Variants in PEAK1 observed in about 807,000 individuals in gnomAD.
PEAK1 encodes the protein pseudopodium enriched atypical kinase 1, also known as inactive tyrosine-protein kinase PEAK1.
A neutral mutation model predicts 124.7 loss-of-function variants in PEAK1; 54 were observed. The observed-to-expected ratio is 0.43, with a 90% CI of 0.35 to 0.54. The LOEUF (loss-of-function observed/expected upper bound fraction) is 0.54. Among genes scored for constraint, PEAK1 ranks in the 20% least tolerant of loss-of-function variants. The pLI, the probability that PEAK1 is intolerant of heterozygous loss-of-function variation, is 0.01. For synonymous variants in PEAK1, 719 were observed against 760.0 expected (o/e 0.95, Z 0.89); for missense variants, 2,046 against 2,134.5 (o/e 0.96, Z 0.82).
rs1397100575 is a variant in PEAK1 at position 77,222,792 on chromosome 15, T to C, written c.-115+29575A>G. The stretch of plus-strand genomic sequence containing the variant: ...GCATGTCTTCCAGAGGCTATTTTCT[T>C]TGCCATAGAAAGCATAGCATTATGA... On this transcript the variant is annotated intron_variant, in intron 6 of 9. Transcript: ENST00000682557. Among the ~76,000 whole-genome samples, 47 of 152,004 alleles carry C rather than the reference T, an allele frequency of 3.1e-4. 1 individual carries two copies. The highest frequency in any genetic ancestry group is 2.9e-5 in the Non-Finnish European group (2 of 67,972).
intron 8 of PEAK1, among the ~76,000 whole-genome samples, chr15:77,152,533 G>A (rs1438404043): frequency 6.6e-6 from 1 of 152,122 alleles, no homozygotes; most frequent in Non-Finnish European, 1.5e-5. Context: ...ATGTTGAATA[G>A]GAGCGGTGAG....
At chr15:77,120,222 C>A (rs16968677) in intron 9 of PEAK1, among the ~76,000 whole-genome samples, 15,001 of 152,178 alleles carry the variant, frequency 0.099, 811 homozygotes, top group African/African-American at 0.11. Flanking sequence ...AACTCTCTTC[C>A]GCAAGCTTGC....
At chr15:77,253,178 T>C (rs989818928) in intron 5 of PEAK1, among the ~76,000 whole-genome samples, 2 of 147,470 alleles carry the variant, frequency 1.4e-5, no homozygotes, top group African/African-American at 2.5e-5. Context: ...AGAGGATGTA[T>C]ATAGATTATA....
chr15:77,101,459 G>A (rs1479045344), exon 7 of PEAK1: 2 of 152,180 alleles, frequency 1.3e-5, no homozygotes, highest in Non-Finnish European at 2.9e-5. Context: ...CTCAGAGTTT[G>A]CCTTTTTGAT....
chr15:77,318,537 A>AT (rs1274315255), intron 2 of PEAK1, among the ~76,000 whole-genome samples: 1 of 152,142 alleles, frequency 6.6e-6, no homozygotes, highest in East Asian at 1.9e-4. Context: ...ACAGAGTGGG[A>AT]TCTCAGGCAG....
intron 6 of PEAK1, among the ~76,000 whole-genome samples, chr15:77,238,670 G>C (rs2060227988): frequency 6.6e-6 from 1 of 152,142 alleles, no homozygotes; most frequent in Admixed American, 6.5e-5. Context: ...GCATGAGTCG[G>C]GGGAGAAAGA....
At chr15:77,371,089 T>C (rs756500068) in intron 1 of PEAK1, 4 of 939,936 alleles carry the variant, frequency 4.3e-6, no homozygotes, top group South Asian at 4.9e-5. Context: ...AAATCAAATA[T>C]AAATTCTGTG....
intron 6 of PEAK1, among the ~76,000 whole-genome samples, chr15:77,189,151 A>T (rs934935936): frequency 1.3e-5 from 2 of 152,162 alleles, no homozygotes; most frequent in Non-Finnish European, 2.9e-5. Context: ...CAGTGAGCCG[A>T]GATCGCGCCA....
At chr15:77,216,108 C>T (rs1467346243) in intron 6 of PEAK1, among the ~76,000 whole-genome samples, 1 of 152,130 alleles carries the variant, frequency 6.6e-6, no homozygotes, top group Non-Finnish European at 1.5e-5. Flanking sequence ...ATTAAAACTG[C>T]AGTAAATTTA....
At position 77,115,125 on chromosome 15, in the gene PEAK1, G is replaced by T; in HGVS notation, c.4272C>A (p.Asp1424Glu). 1 of 1,614,024 alleles carries T rather than the reference G, an allele frequency of 6.2e-7. No homozygotes were observed. The highest frequency in any genetic ancestry group is 1.6e-4 in the Middle Eastern group (1 of 6,062). The change falls in exon 10 of 10, where the codon GAC becomes GAA. Residue 1424 changes from aspartate to glutamate, a missense_variant. Asp to Glu is a conservative substitution (Grantham distance 45, BLOSUM62 2). Transcript: ENST00000682557. ...DEDDMEETEE[D>E]AKGETDGKNP... ...TTTTCCCATCCGTTTCTCCTTTGGC[G>T]TCTTCTTCAGTCTCTTCCATGTCAT... is the stretch of plus-strand genomic sequence containing the variant.
intron 7 of PEAK1, among the ~76,000 whole-genome samples, chr15:77,169,029 T>C (rs1041727968): frequency 6.6e-6 from 1 of 152,230 alleles, no homozygotes; most frequent in Non-Finnish European, 1.5e-5. Context: ...GTGTTACTTT[T>C]ATTTTCTTAA....
At chr15:77,351,930 A>G (rs1316852608) in intron 2 of PEAK1, 2 of 985,290 alleles carry the variant, frequency 2.0e-6, no homozygotes, top group Non-Finnish European at 2.4e-6. Flanking sequence ...TTATAAGATT[A>G]TTAAAATCAG....
intron 1 of PEAK1, among the ~76,000 whole-genome samples, chr15:77,380,474 A>G (rs932982881): frequency 3.9e-5 from 6 of 152,108 alleles, no homozygotes; most frequent in Non-Finnish European, 7.4e-5. Context: ...GAGATATGAG[A>G]AAATCAGTTT....
chr15:77,342,299 T>A (rs901364687), intron 2 of PEAK1, among the ~76,000 whole-genome samples: 2 of 152,016 alleles, frequency 1.3e-5, no homozygotes, highest in African/African-American at 4.8e-5. Flanking sequence ...CTTATACCCA[T>A]TAAGAATTCC....
chr15:77,338,308 C>T (rs1401152410), intron 2 of PEAK1, among the ~76,000 whole-genome samples: 1 of 152,150 alleles, frequency 6.6e-6, no homozygotes, highest in African/African-American at 2.4e-5. Flanking sequence ...CATCCCATCC[C>T]AAGCAAAATC....
At chr15:77,161,095 A>G (rs1297851845) in intron 7 of PEAK1, among the ~76,000 whole-genome samples, 1 of 152,228 alleles carries the variant, frequency 6.6e-6, no homozygotes, top group Non-Finnish European at 1.5e-5. Context: ...ACTTAAAAGC[A>G]AGAAATATTA....
At chr15:77,250,254 TA>T (rs200254356) in intron 6 of PEAK1, among the ~76,000 whole-genome samples, 49,493 of 118,834 alleles carry the variant, frequency 0.42, 10,231 homozygotes, top group Middle Eastern at 0.56. Flanking sequence ...TATATATATA[TA>T]TATTTTTTTT....
chr15:77,399,650 AC>A (rs2071188864), intron 1 of PEAK1, among the ~76,000 whole-genome samples: 2 of 152,196 alleles, frequency 1.3e-5, no homozygotes, highest in South Asian at 4.1e-4. Context: ...CTCACCATAC[AC>A]AAAAAGTCAA....
At chr15:77,175,399 T>C (rs1258713689) in intron 7 of PEAK1, among the ~76,000 whole-genome samples, 1 of 151,504 alleles carries the variant, frequency 6.6e-6, no homozygotes, top group Admixed American at 6.6e-5. Flanking sequence ...CTCAAACAAA[T>C]TTACAAGAAA....
Sources: gnomAD v4.1 joint callset for allele counts (sites outside exome capture counted in the v4.1 genomes callset) on GRCh38, gnomAD v4.1.1 for gene constraint, MANE v1.5 for transcripts, NCBI Gene and HGNC (gene_info 2026-07-23, HGNC 2026-07-21) for gene names.